Variants in LIN28A observed in about 807,000 individuals in gnomAD.
LIN28A encodes protein lin-28 homolog A.
Under a neutral mutation model 21.1 loss-of-function variants are expected in LIN28A, and 11 were observed. The ratio of observed to expected loss-of-function variants is 0.52; its 90% CI spans 0.33 to 0.86. The LOEUF is 0.86. Ranked by LOEUF, LIN28A falls within the 40% of genes least tolerant of loss-of-function variation. The probability of loss-of-function intolerance (pLI) is 0.03; values close to 1 mark genes in which losing one functional copy is unlikely to be tolerated. For synonymous variants in LIN28A, 111 were observed against 108.7 expected (o/e 1.02, Z -0.13); for missense variants, 219 against 279.8 (o/e 0.78, Z 1.55).
At chr1:26,423,413 C>CTTTTTTTT (rs1202952934) in intron 2 of LIN28A, among the ~76,000 whole-genome samples, 1,384 of 78,826 alleles carry the variant, frequency 0.018, 7 homozygotes, top group East Asian at 0.064. Flanking sequence ...TTTTCTTTTT[C>CTTTTTTTT]TTTTTTTTTT....
At chr1:26,421,235 A>G (rs1570315081) in intron 2 of LIN28A, among the ~76,000 whole-genome samples, 1 of 152,284 alleles carries the variant, frequency 6.6e-6, no homozygotes, top group East Asian at 1.9e-4. Context: ...TCATTAATTC[A>G]TTCAAAAATG....
chr1:26,423,758 T>C (rs1317294925), intron 2 of LIN28A, among the ~76,000 whole-genome samples: 3 of 132,942 alleles, frequency 2.3e-5, no homozygotes. Flanking sequence ...GTTTGTTTTT[T>C]TGTTTGTTGG....
chr1:26,426,332 C>T lies in LIN28A; in HGVS notation c.504C>T (p.Ser168=). The T allele has an allele frequency of 6.2e-7, 1 of 1,614,188 alleles. No homozygotes were observed. The highest frequency in any genetic ancestry group is 8.5e-7 in the Non-Finnish European group (1 of 1,180,012). ...PKKCHFCQSI[S]HMVASCPLKA... ...AGTGCCACTTCTGCCAGAGCATCAGCCATATGGTAGCCTCATGTCCGCTGA... is the reference window on the plus strand; with the variant it reads ...AGTGCCACTTCTGCCAGAGCATCAGTCATATGGTAGCCTCATGTCCGCTGA... The change falls in exon 4 of 4, where the codon AGC becomes AGT. Residue 168 remains serine, a synonymous_variant. Coordinates refer to ENST00000326279, the MANE Select transcript of LIN28A (RefSeq NM_024674.6).
At chr1:26,413,825 CT>C (rs755305206) in intron 2 of LIN28A, among the ~76,000 whole-genome samples, 2,946 of 100,324 alleles carry the variant, frequency 0.029, 49 homozygotes, top group African/African-American at 0.094. Context: ...TTGTTTGTTG[CT>C]TTTTTTTTTT....
chr1:26,421,777 G>C (rs543985123), intron 2 of LIN28A, among the ~76,000 whole-genome samples: 1 of 151,752 alleles, frequency 6.6e-6, no homozygotes, highest in Admixed American at 6.6e-5. Context: ...ACTGTCTTTC[G>C]GTAACATTAT....
At chr1:26,424,120 T>C (rs2075044668) in intron 2 of LIN28A, among the ~76,000 whole-genome samples, 1 of 151,818 alleles carries the variant, frequency 6.6e-6, no homozygotes, top group South Asian at 2.1e-4. Flanking sequence ...AAAATACCAC[T>C]TGATTTTGTA....
chr1:26,424,963 G>A (rs962137941), intron 2 of LIN28A, among the ~76,000 whole-genome samples: 23 of 152,014 alleles, frequency 1.5e-4, no homozygotes, highest in African/African-American at 5.1e-4. Flanking sequence ...AGCTGGTCTC[G>A]AACTCCTGAC....
At chr1:26,419,978 G>C (rs1478393149) in intron 2 of LIN28A, among the ~76,000 whole-genome samples, 4 of 152,056 alleles carry the variant, frequency 2.6e-5, no homozygotes, top group Admixed American at 6.5e-5. Context: ...TATTTTTTGA[G>C]ATGGGTTCTT....
rs987646024 is a variant in LIN28A at position 26,411,023 on chromosome 1, C to T, written c.31+101C>T. 5.1e-5 allele frequency: 73 copies of T among 1,440,768 alleles called. No individual in the cohort carries two copies. The highest frequency in any genetic ancestry group is 6.5e-5 in the Non-Finnish European group (70 of 1,069,910). 89.2% of individuals were successfully genotyped at this position (1,440,768 alleles called of 1,614,324 possible). Reference sequence around the variant, plus strand: ...ACTGAGTCCTAGGCTGCCCAAAGGACCCCAAGACGGTGCGGCCTTCTGCTT... The same window carrying T: ...ACTGAGTCCTAGGCTGCCCAAAGGATCCCAAGACGGTGCGGCCTTCTGCTT... On this transcript the variant is annotated intron_variant, in intron 1 of 3. Coordinates refer to ENST00000326279, the MANE Select transcript of LIN28A (RefSeq NM_024674.6). The surrounding 1 kb of genome is among the most constrained non-coding windows in gnomAD (Gnocchi z 5.4).
Position 26,411,002 on chromosome 1 carries a change from A to G in LIN28A, c.31+80A>G, listed in dbSNP as rs1029086403. 288 of 1,530,874 alleles carry G rather than the reference A, an allele frequency of 1.9e-4. No homozygotes were observed. Among genetic ancestry groups the G allele is most frequent in the East Asian group, 2.6e-4 (11 of 42,882 alleles). 94.8% of individuals were successfully genotyped at this position (1,530,874 alleles called of 1,614,324 possible). On this transcript the variant is annotated intron_variant, in intron 1 of 3. Transcript: ENST00000326279. The surrounding 1 kb of genome is among the most constrained non-coding windows in gnomAD (Gnocchi z 5.4). ...CACGTAGAAGGGAGGTGGGGAACTG[A>G]GTCCTAGGCTGCCCAAAGGACCCCA...
intron 3 of LIN28A, 52 bp downstream of exon 3, chr1:26,425,539 C>G: frequency 6.6e-7 from 1 of 1,526,372 alleles, no homozygotes; most frequent in Non-Finnish European, 9.0e-7. Context: ...CCCCAGTCTC[C>G]CAATCCTGTC....
intron 2 of LIN28A, among the ~76,000 whole-genome samples, chr1:26,412,659 G>A (rs2074967952): frequency 6.6e-6 from 1 of 152,096 alleles, no homozygotes; most frequent in South Asian, 2.1e-4. Flanking sequence ...TTACTTAAGG[G>A]AGGTTGGCTT....
At chr1:26,418,360 C>T (rs1041449771) in intron 2 of LIN28A, among the ~76,000 whole-genome samples, 1 of 152,032 alleles carries the variant, frequency 6.6e-6, no homozygotes, top group South Asian at 2.1e-4. Context: ...TCCTGGCTAA[C>T]GCGGTGAAAC....
intron 2 of LIN28A, among the ~76,000 whole-genome samples, chr1:26,413,943 T>G (rs2074978135): frequency 6.7e-6 from 1 of 149,284 alleles, no homozygotes; most frequent in African/African-American, 2.5e-5. Context: ...TTCTCCTGCC[T>G]CAGCTTCCTG....
intron 2 of LIN28A, 29 bp from the exon 3 acceptor site, chr1:26,425,274 T>A: frequency 6.3e-7 from 1 of 1,599,994 alleles, no homozygotes; most frequent in Non-Finnish European, 8.5e-7. Context: ...GAAATTAATG[T>A]TAAAATTTAC....
At chr1:26,418,253 AAG>A (rs1208095311) in intron 2 of LIN28A, among the ~76,000 whole-genome samples, 4 of 152,186 alleles carry the variant, frequency 2.6e-5, no homozygotes, top group African/African-American at 9.6e-5. Context: ...AAAAAAGAAA[AAG>A]AAATGCTTGG....
rs527315727 is a variant in LIN28A at position 26,426,640 on chromosome 1, A to C, written c.*182A>C. On this transcript the variant is annotated 3_prime_UTR_variant, in exon 4 of 4. Transcript: ENST00000326279. ...GGAAAGGGTGAGTCAAAGGAACTCC[A>C]ACCATGCTCTGTCCAAATGCAAGTG... 1.2e-5 allele frequency: 7 copies of C among 600,896 alleles called. No homozygotes were observed. Among genetic ancestry groups the C allele is most frequent in the Non-Finnish European group, 2.1e-5 (7 of 331,062 alleles). The allele number at this position is 600,896 out of a possible 1,614,324, so 37.2% of individuals were successfully genotyped here.
At chr1:26,412,390 T>C (rs1180061970) in intron 2 of LIN28A, among the ~76,000 whole-genome samples, 1 of 152,126 alleles carries the variant, frequency 6.6e-6, no homozygotes, top group Non-Finnish European at 1.5e-5. Context: ...CAGACAGCCA[T>C]TGATTGCTGT....
chr1:26,422,703 C>T (rs574883145), intron 2 of LIN28A, among the ~76,000 whole-genome samples: 1 of 152,246 alleles, frequency 6.6e-6, no homozygotes, highest in African/African-American at 2.4e-5. Context: ...CCAGTTTTCT[C>T]CACTGTAAAC....
Sources: gnomAD v4.1 joint callset for allele counts (sites outside exome capture counted in the v4.1 genomes callset) on GRCh38, gnomAD v4.1.1 for gene constraint, Gnocchi (gnomAD v3.1) non-coding constraint, MANE v1.5 for transcripts, NCBI Gene and HGNC (gene_info 2026-07-23, HGNC 2026-07-21) for gene names.